UBE2H: variants seen among roughly 807,000 people sequenced by gnomAD.
The protein encoded by UBE2H is ubiquitin-conjugating enzyme E2 H.
UBE2H carries 3 observed loss-of-function variants against 29.0 expected under a neutral mutation model. The ratio of observed to expected loss-of-function variants is 0.10; its 90% CI spans 0.05 to 0.27. The LOEUF is 0.27. Among genes scored for constraint, UBE2H ranks in the 10% least tolerant of loss-of-function variants. The pLI is 1.00. For missense variants in UBE2H, 68 were observed against 228.2 expected (o/e 0.30, Z 4.52); for synonymous variants, 69 against 82.9 (o/e 0.83, Z 0.91).
chr7:129,951,273 T>G (rs1376286343), intron 1 of UBE2H: 1 of 152,164 alleles, frequency 6.6e-6, no homozygotes, highest in Non-Finnish European at 1.5e-5. Flanking sequence ...AAAAAAGGTA[T>G]TCACCTGAAG....
At chr7:129,918,302 G>A (rs1807084314) in intron 1 of UBE2H, among the ~76,000 whole-genome samples, 1 of 151,680 alleles carries the variant, frequency 6.6e-6, no homozygotes, top group African/African-American at 2.4e-5. Context: ...AATGTAGCAA[G>A]AGTAAGAGAT....
chr7:129,947,368 T>G (rs1807786096), intron 1 of UBE2H, among the ~76,000 whole-genome samples: 1 of 152,164 alleles, frequency 6.6e-6, no homozygotes, highest in Non-Finnish European at 1.5e-5. Context: ...CATCTCATCA[T>G]CTCACTAAAA....
At chr7:129,892,857 A>T (rs1023388023) in intron 1 of UBE2H, among the ~76,000 whole-genome samples, 1 of 152,088 alleles carries the variant, frequency 6.6e-6, no homozygotes, top group African/African-American at 2.4e-5. Flanking sequence ...TAAAAAAAAA[A>T]GGGTAAATAT....
At chr7:129,933,375 A>C (rs968231399) in intron 1 of UBE2H, among the ~76,000 whole-genome samples, 6 of 152,222 alleles carry the variant, frequency 3.9e-5, no homozygotes, top group Admixed American at 1.3e-4. Flanking sequence ...GCAACTTATA[A>C]AACAGGGTAC....
chr7:129,873,867 G>T (rs1472460459), intron 3 of UBE2H, among the ~76,000 whole-genome samples: 1 of 152,008 alleles, frequency 6.6e-6, no homozygotes, highest in African/African-American at 2.4e-5. Context: ...TCCCAGCTTT[G>T]GTATCATCAA....
rs1277742943 is a variant in UBE2H, at chr7:129,881,502, C to T, written c.54-531G>A. 2.6e-5 allele frequency among the ~76,000 whole-genome samples: 4 copies of T among 151,970 alleles called. No homozygotes were observed. In the East Asian group the frequency reaches 5.8e-4, roughly 22 times the overall value. ...TCTCTACTAAAAAATACAAAAATTA[C>T]CCAGGCATGGTGATGCATGCCTGTA... is the stretch of plus-strand genomic sequence containing the variant. On this transcript the variant is annotated intron_variant, in intron 1 of 6. Transcript: ENST00000355621.
rs921218081 is a variant in UBE2H, at chr7:129,906,464, C to G, written c.54-25493G>C. 2.0e-5 allele frequency among the ~76,000 whole-genome samples: 3 copies of G among 152,074 alleles called. No homozygotes were observed. In the South Asian group the frequency reaches 6.2e-4, roughly 32 times the overall value. On this transcript the variant is annotated intron_variant, in intron 1 of 6. Coordinates refer to ENST00000355621, the MANE Select transcript of UBE2H (RefSeq NM_003344.4). ...ATGTGATCCACCCACATCAGCCTCC[C>G]AAAGTGCTGGGATTACAGTTGTGAG...
At chr7:129,858,574 TAGTC>T (rs1376683999) in intron 4 of UBE2H, among the ~76,000 whole-genome samples, 1 of 152,158 alleles carries the variant, frequency 6.6e-6, no homozygotes, top group Non-Finnish European at 1.5e-5. Context: ...GATCTGAAAA[TAGTC>T]TATCTGTAGG....
Position 129,952,468 on chromosome 7 carries a change from C to A in UBE2H, c.53+35G>T, listed in dbSNP as rs181298311. The stretch of plus-strand genomic sequence containing the variant: ...CCCTGGGCATCCCCACACCGCCCCC[C>A]ACACACAGCCCGAATTCCCCTCCAC... On this transcript the variant is annotated intron_variant, in intron 1 of 6. Transcript: ENST00000355621. 1.4e-5 allele frequency: 23 copies of A among 1,607,990 alleles called. No homozygotes were observed. The Admixed American group carries it at 1.5e-4, about 11-fold the overall frequency.
chr7:129,852,089 G>A (rs1451753786), intron 5 of UBE2H, among the ~76,000 whole-genome samples: 1 of 152,162 alleles, frequency 6.6e-6, no homozygotes, highest in Non-Finnish European at 1.5e-5. Flanking sequence ...TTCTCAAGCT[G>A]TTCAAATAGT....
intron 1 of UBE2H, among the ~76,000 whole-genome samples, chr7:129,884,732 C>G (rs1806325238): frequency 6.6e-6 from 1 of 151,852 alleles, no homozygotes; most frequent in South Asian, 2.1e-4. Flanking sequence ...CTACAGCAGG[C>G]ACCACCACAC....
chr7:129,864,531 C>G (rs1204958669), intron 3 of UBE2H, among the ~76,000 whole-genome samples: 1 of 149,558 alleles, frequency 6.7e-6, no homozygotes, highest in Non-Finnish European at 1.5e-5. Context: ...TATTCACTAC[C>G]AGGCATTTTC....
intron 1 of UBE2H, among the ~76,000 whole-genome samples, chr7:129,891,506 A>T (rs556617753): frequency 6.6e-6 from 1 of 152,282 alleles, no homozygotes; most frequent in East Asian, 1.9e-4. Context: ...TAATTTTTTT[A>T]ATGTAAAAAT....
intron 1 of UBE2H, among the ~76,000 whole-genome samples, chr7:129,890,004 G>C (rs561984018): frequency 1.3e-5 from 2 of 152,018 alleles, no homozygotes; most frequent in African/African-American, 4.8e-5. Flanking sequence ...AGGGTGGTAC[G>C]AGCCTGTAGT....
chr7:129,846,802 T>C (rs1323917250), intron 5 of UBE2H, among the ~76,000 whole-genome samples: 1 of 152,086 alleles, frequency 6.6e-6, no homozygotes, highest in Non-Finnish European at 1.5e-5. Flanking sequence ...ATCAAAGCCA[T>C]TCTTCCGTTC....
intron 1 of UBE2H, among the ~76,000 whole-genome samples, chr7:129,902,455 G>A (rs563586874): frequency 6.6e-6 from 1 of 152,270 alleles, no homozygotes; most frequent in African/African-American, 2.4e-5. Context: ...GAGCCGAGAT[G>A]CACCATTGCA....
intron 5 of UBE2H, among the ~76,000 whole-genome samples, chr7:129,846,171 GACC>G (rs1399281705): frequency 6.6e-6 from 1 of 152,082 alleles, no homozygotes; most frequent in Admixed American, 6.6e-5. Context: ...ATGAACCAGT[GACC>G]ACAAGTTATT....
chr7:129,851,427 T>C (rs895697049), intron 5 of UBE2H, among the ~76,000 whole-genome samples: 2 of 152,248 alleles, frequency 1.3e-5, no homozygotes, highest in African/African-American at 4.8e-5. Flanking sequence ...AAACTCGCTA[T>C]TCAAGCTTGT....
At chr7:129,869,765 C>CA (rs1563028401) in intron 3 of UBE2H, among the ~76,000 whole-genome samples, 1 of 152,186 alleles carries the variant, frequency 6.6e-6, no homozygotes, top group Admixed American at 6.5e-5. Context: ...AAAACAGACC[C>CA]AGGGGCTGCC....
Sources: allele counts gnomAD v4.1 joint callset (sites outside exome capture counted in the v4.1 genomes callset), GRCh38; gene constraint gnomAD v4.1.1; transcripts MANE v1.5; gene names NCBI Gene and HGNC (gene_info 2026-07-23, HGNC 2026-07-21).